The following LEPR variants were observed in gnomAD, a reference collection of about 807,000 sequenced individuals.
The protein encoded by LEPR is OB receptor.
In LEPR, 56 loss-of-function variants were observed where a neutral mutation model predicts 114.7. The ratio of observed to expected loss-of-function variants is 0.49; its 90% confidence interval spans 0.39 to 0.61. LEPR has a LOEUF of 0.61. LEPR is among the 20% of genes least tolerant of loss of function. The pLI, the probability that LEPR is intolerant of heterozygous loss-of-function variation, is 0.00. For missense variants in LEPR, 1,202 were observed against 1,352.9 expected, an observed-to-expected ratio of 0.89 and a Z score of 1.75; for synonymous variants, 443 against 461.4, an observed-to-expected ratio of 0.96 and a Z score of 0.51.
chr1:65,621,244 A>T, intron 17 of LEPR, 109 bp from the exon 18 acceptor site: 1 of 850,564 alleles, frequency 1.2e-6, no homozygotes, highest in Non-Finnish European at 1.9e-6. Context: ...TTTGAAGGTA[A>T]TAAGAGATTT....
intron 2 of LEPR, among the ~76,000 whole-genome samples, chr1:65,475,649 T>G (rs1647149957): frequency 6.6e-6 from 1 of 152,198 alleles, no homozygotes; most frequent in Non-Finnish European, 1.5e-5. Context: ...GTTTCATAAC[T>G]GACACAGATT....
chr1:65,432,746 C>T (rs1287309344), intron 2 of LEPR: 6 of 576,806 alleles, frequency 1.0e-5, no homozygotes, highest in Non-Finnish European at 1.3e-5. Flanking sequence ...AGATCACTTG[C>T]ACAGCATGCT....
intron 2 of LEPR, among the ~76,000 whole-genome samples, chr1:65,518,911 T>TTCTTTCTC (rs1491102880): frequency 1.2e-5 from 1 of 85,228 alleles, no homozygotes; most frequent in African/African-American, 3.8e-5. Flanking sequence ...CTTTCTTTCT[T>TTCTTTCTC]TCTTTCTCTC....
Position 65,545,345 on chromosome 1 carries a change from T to C in LEPR, c.-20-20201T>C, listed in dbSNP as rs1164876105. The stretch of plus-strand genomic sequence containing the variant: ...CCAGTAATGGGATGGCGGGGTCAAA[T>C]GGTATTTCTAGTTCTAGATCCCTGA... On this transcript the variant is annotated intron_variant, in intron 2 of 19. Transcript: ENST00000349533. Among the ~76,000 whole-genome samples, 4 of 152,114 alleles carry C rather than the reference T, an allele frequency of 2.6e-5. No individual in the cohort carries two copies. The East Asian group carries it at 7.7e-4, about 29-fold the overall frequency.
chr1:65,634,750 A>G lies in LEPR; in HGVS notation c.2674-1441A>G, dbSNP rs1443731619. 3 of 925,570 alleles carry G rather than the reference A, an allele frequency of 3.2e-6. No individual in the cohort carries two copies. In the African/African-American group the frequency reaches 5.4e-5, roughly 17 times the overall value. The allele number at this position is 925,570 out of a possible 1,614,324, so 57.3% of individuals were successfully genotyped here. ...ATATTGATAGCATCTAATTCTTTTG[A>G]CAATCTTAATATGTAGGTTCATTTA... On this transcript the variant is annotated intron_variant, in intron 19 of 19. Transcript: ENST00000349533.
At chr1:65,535,471 C>A (rs1040380116) in intron 2 of LEPR, among the ~76,000 whole-genome samples, 4 of 151,614 alleles carry the variant, frequency 2.6e-5, no homozygotes, top group African/African-American at 9.7e-5. Flanking sequence ...TTCAAGCTAC[C>A]CTCCTGCCTC....
chr1:65,421,695 A>T (rs1026772390), intron 1 of LEPR, among the ~76,000 whole-genome samples: 3 of 152,210 alleles, frequency 2.0e-5, no homozygotes, highest in Non-Finnish European at 4.4e-5. Context: ...TATACTTAAT[A>T]TCAGTTTAGT....
chr1:65,493,855 T>C (rs1160187567), intron 2 of LEPR: 1 of 152,194 alleles, frequency 6.6e-6, no homozygotes, highest in Non-Finnish European at 1.5e-5. Context: ...TAATCTAATG[T>C]GCACTCCACA....
intron 5 of LEPR, chr1:65,577,004 T>C: frequency 3.4e-6 from 1 of 292,976 alleles, no homozygotes; most frequent in Non-Finnish European, 6.8e-6. Flanking sequence ...TGGCTTTTTC[T>C]GCTCATCCTA....
chr1:65,512,940 A>T (rs1649103005), intron 2 of LEPR, among the ~76,000 whole-genome samples: 1 of 152,174 alleles, frequency 6.6e-6, no homozygotes, highest in Non-Finnish European at 1.5e-5. Flanking sequence ...GTGTTCTTAT[A>T]TGCGGCAGAG....
chr1:65,459,162 G>A (rs925483690), intron 2 of LEPR, among the ~76,000 whole-genome samples: 8 of 152,122 alleles, frequency 5.3e-5, no homozygotes, highest in South Asian at 2.1e-4. Context: ...ACAACAGGTC[G>A]TTGTCCACAG....
chr1:65,546,098 G>T (rs907248765), intron 2 of LEPR, among the ~76,000 whole-genome samples: 3 of 152,034 alleles, frequency 2.0e-5, no homozygotes, highest in Non-Finnish European at 2.9e-5. Context: ...TCTCAGGTTT[G>T]TCAAAGATCA....
chr1:65,634,284 G>T (rs1658633779), intron 19 of LEPR: 1 of 982,178 alleles, frequency 1.0e-6, no homozygotes, highest in Non-Finnish European at 1.2e-6. Flanking sequence ...AAGTAGAAAA[G>T]AACTCTACAA....
At chr1:65,602,012 A>T (rs1284718071) in intron 10 of LEPR, 52 bp downstream of exon 10, 2 of 1,465,912 alleles carry the variant, frequency 1.4e-6, no homozygotes, top group East Asian at 2.3e-5. Context: ...TGAGATAAAA[A>T]TTTTCTTTAG....
chr1:65,446,037 G>A (rs560237725), intron 2 of LEPR, among the ~76,000 whole-genome samples: 7 of 152,276 alleles, frequency 4.6e-5, no homozygotes, highest in South Asian at 2.1e-4. Context: ...ATGAGATTGC[G>A]TAATGACCAG....
chr1:65,486,908 T>G (rs1647514055), intron 2 of LEPR, among the ~76,000 whole-genome samples: 1 of 152,128 alleles, frequency 6.6e-6, no homozygotes, highest in Admixed American at 6.6e-5. Context: ...TCTGAATCCT[T>G]ACAATAATCA....
intron 2 of LEPR, among the ~76,000 whole-genome samples, chr1:65,495,247 T>C (rs1648093814): frequency 6.6e-6 from 1 of 151,972 alleles, no homozygotes; most frequent in African/African-American, 2.4e-5. Context: ...AAGACCTAAA[T>C]AGACATTTCT....
At chr1:65,610,646 A>C (rs1271451040) in intron 14 of LEPR, among the ~76,000 whole-genome samples, 1 of 152,194 alleles carries the variant, frequency 6.6e-6, no homozygotes, top group Non-Finnish European at 1.5e-5. Context: ...TTCATATTTA[A>C]TCCTGAACAA....
chr1:65,455,051 A>G (rs1485042010), intron 2 of LEPR, among the ~76,000 whole-genome samples: 1 of 152,080 alleles, frequency 6.6e-6, no homozygotes, highest in Non-Finnish European at 1.5e-5. Flanking sequence ...CATCGCTGAT[A>G]CCCTTTCTTC....
Sources: gnomAD v4.1 joint callset for allele counts (sites outside exome capture counted in the v4.1 genomes callset) on GRCh38, gnomAD v4.1.1 for gene constraint, MANE v1.5 for transcripts, NCBI Gene and HGNC (gene_info 2026-07-23, HGNC 2026-07-21) for gene names.